SLC22A23: variants seen among roughly 807,000 people sequenced by gnomAD.
SLC22A23 encodes solute carrier family 22 member 23, also known as ion transporter protein.
SLC22A23 carries 26 observed loss-of-function variants against 61.0 expected under a neutral mutation model. The observed-to-expected ratio is 0.43, with a 90% CI of 0.31 to 0.59. The LOEUF (loss-of-function observed/expected upper bound fraction) is 0.59, where lower values mean the gene tolerates loss of function less well. Among genes scored for constraint, SLC22A23 ranks in the 20% least tolerant of loss-of-function variants. SLC22A23 has a pLI of 0.11. For missense variants in SLC22A23, 796 were observed against 934.7 expected, an observed-to-expected ratio of 0.85 and a Z score of 1.94; for synonymous variants, 430 against 413.9, an observed-to-expected ratio of 1.04 and a Z score of -0.47.
Position 3,327,377 on chromosome 6 carries a change from C to G in SLC22A23, c.914-3375G>C, listed in dbSNP as rs1251314100. ...TTGCCAATGGAACCAAACCCAAATC[C>G]TTTTAGTAGATTTTCATTCATGGGC... On this transcript the variant is annotated intron_variant, in intron 3 of 9. Coordinates refer to ENST00000406686, the MANE Select transcript of SLC22A23 (RefSeq NM_015482.2). The surrounding 1 kb of genome is among the most constrained non-coding windows in gnomAD (Gnocchi z 4.1). 6.6e-6 allele frequency among the ~76,000 whole-genome samples: 1 copy of G among 152,200 alleles called. No individual in the cohort carries two copies. Among genetic ancestry groups the G allele is most frequent in the African/African-American group, 2.4e-5 (1 of 41,448 alleles).
chr6:3,286,796 AAT>A lies in SLC22A23; in HGVS notation c.1546+61_1546+62del. On this transcript the variant is annotated intron_variant, in intron 7 of 9. Coordinates refer to ENST00000406686, the MANE Select transcript of SLC22A23 (RefSeq NM_015482.2). This position sits in a 1 kb window ranked among gnomAD's most constrained non-coding sequence, Gnocchi z 4.2. ...AGCGGAGTCTTATGCAGCCCTTTCA[AAT>A]GCCCTTGGGGATCTGCCAGCTTCCC... 7.1e-7 allele frequency: 1 copy of A among 1,407,626 alleles called. No individual in the cohort carries two copies. The highest frequency in any genetic ancestry group is 2.0e-5 in the Admixed American group (1 of 50,438). The allele number at this position is 1,407,626 out of a possible 1,614,324, so 87.2% of individuals were successfully genotyped here.
At chr6:3,402,496 G>A (rs1374383507) in intron 3 of SLC22A23, among the ~76,000 whole-genome samples, 2 of 151,928 alleles carry the variant, frequency 1.3e-5, no homozygotes, top group African/African-American at 4.8e-5. Flanking sequence ...GAGTGCACTA[G>A]GCCCCAGCCA....
Position 3,297,863 on chromosome 6 carries a change from C to A in SLC22A23, c.1210+228G>T, listed in dbSNP as rs1172534508. Among the ~76,000 whole-genome samples, 1 of 152,190 alleles carries A rather than the reference C, an allele frequency of 6.6e-6. No homozygotes were observed. The highest frequency in any genetic ancestry group is 6.5e-5 in the Admixed American group (1 of 15,286). On this transcript the variant is annotated intron_variant, in intron 5 of 9. Transcript: ENST00000406686. This position sits in a 1 kb window ranked among gnomAD's most constrained non-coding sequence, Gnocchi z 4.3. The stretch of plus-strand genomic sequence containing the variant: ...CTCATGGCTCGCTTCTGCATTTAGA[C>A]AGGAGATGAGCAGATCCAGAGTGTG...
chr6:3,408,724 G>A (rs1293774939), intron 3 of SLC22A23, among the ~76,000 whole-genome samples: 2 of 152,194 alleles, frequency 1.3e-5, no homozygotes, highest in Non-Finnish European at 2.9e-5. Context: ...TGGGGGTGGT[G>A]AGGCTGAGGT....
chr6:3,412,165 C>G (rs1201821507), intron 2 of SLC22A23, among the ~76,000 whole-genome samples: 1 of 152,192 alleles, frequency 6.6e-6, no homozygotes, highest in African/African-American at 2.4e-5. Flanking sequence ...TGATGCCTAC[C>G]AAACATGGTT....
At chr6:3,362,428 A>AAAAAAAAAAC (rs1765532078) in intron 3 of SLC22A23, among the ~76,000 whole-genome samples, 1 of 123,478 alleles carries the variant, frequency 8.1e-6, no homozygotes, top group Non-Finnish European at 1.7e-5. Context: ...AAAATAAAAA[A>AAAAAAAAAAC]TAAAAAATAA....
intron 3 of SLC22A23, among the ~76,000 whole-genome samples, chr6:3,358,700 TG>T (rs1765261513): frequency 1.3e-5 from 2 of 152,126 alleles, no homozygotes; most frequent in East Asian, 3.9e-4. Flanking sequence ...TGAAAAAACC[TG>T]TTAAGAGGGT....
In SLC22A23 at chr6:3,287,103, T is replaced by G; in HGVS notation, c.1314-12A>C. On this transcript the variant is annotated splice_polypyrimidine_tract_variant and intron_variant, in intron 6 of 9. Transcript: ENST00000406686. Reference sequence around the variant, plus strand: ...CGTACCCCGTCAGCCTGTGGAGACATACCGAGCGGCAGTGGGTGGGCTGCC... The same window carrying G: ...CGTACCCCGTCAGCCTGTGGAGACAGACCGAGCGGCAGTGGGTGGGCTGCC... The G allele has an allele frequency of 6.2e-7, 1 of 1,612,940 alleles. No individual in the cohort carries two copies. The highest frequency in any genetic ancestry group is 8.5e-7 in the Non-Finnish European group (1 of 1,179,412).
In SLC22A23 at chr6:3,427,683, A is replaced by C. The variant is rs1770591384; in HGVS notation, c.655-11828T>G. On this transcript the variant is annotated intron_variant, in intron 1 of 9. Coordinates refer to ENST00000406686, the MANE Select transcript of SLC22A23 (RefSeq NM_015482.2). This position sits in a 1 kb window ranked among gnomAD's most constrained non-coding sequence, Gnocchi z 4.3. ...TGGGAACAGCAACAGCTTCGTTTCCAACACTTCCTGCAATCATTCCTTAAA... is the reference window on the plus strand; with the variant it reads ...TGGGAACAGCAACAGCTTCGTTTCCCACACTTCCTGCAATCATTCCTTAAA... 1.3e-5 allele frequency among the ~76,000 whole-genome samples: 2 copies of C among 152,172 alleles called. No homozygotes were observed. The highest frequency in any genetic ancestry group is 4.8e-5 in the African/African-American group (2 of 41,428).
At chr6:3,364,893 T>C (rs1765704532) in intron 3 of SLC22A23, among the ~76,000 whole-genome samples, 1 of 151,696 alleles carries the variant, frequency 6.6e-6, no homozygotes, top group Non-Finnish European at 1.5e-5. Context: ...GGCGGTGTGG[T>C]GGAGAGGGGG....
intron 3 of SLC22A23, among the ~76,000 whole-genome samples, chr6:3,366,346 AAAAAAAAAAAAG>A (rs1450664243): frequency 1.4e-5 from 2 of 147,182 alleles, no homozygotes; most frequent in South Asian, 2.3e-4. Context: ...AAAAAAAAAA[AAAAAAAAAAAAG>A]AAAGAAAGAA....
rs868163412 is a variant in SLC22A23, at chr6:3,271,295, C to T, written c.*1760G>A. Reference sequence around the variant, plus strand: ...GAGGCTGGCCAGACAGCCTCCCTTCCTGGGTATCTCAAGATCCCAGGTGTC... The same window carrying T: ...GAGGCTGGCCAGACAGCCTCCCTTCTTGGGTATCTCAAGATCCCAGGTGTC... On this transcript the variant is annotated 3_prime_UTR_variant, in exon 10 of 10. Transcript: ENST00000406686. 6.6e-5 allele frequency: 10 copies of T among 152,296 alleles called. 1 individual carries two copies. In the South Asian group the frequency reaches 1.4e-3, roughly 22 times the overall value. 9.4% of individuals were successfully genotyped at this position (152,296 alleles called of 1,614,324 possible). A position where few individuals can be genotyped will look rare whatever the true frequency, so the allele number is the denominator to read the frequency against.
At chr6:3,409,863 C>T (rs1013753834) in intron 3 of SLC22A23, among the ~76,000 whole-genome samples, 5 of 152,192 alleles carry the variant, frequency 3.3e-5, no homozygotes, top group East Asian at 1.9e-4. Context: ...TAGAAGCACA[C>T]AGGATGTCAA....
chr6:3,293,858 G>C (rs1188008323), intron 5 of SLC22A23, among the ~76,000 whole-genome samples: 1 of 152,182 alleles, frequency 6.6e-6, no homozygotes, highest in South Asian at 2.1e-4. Context: ...TCATTGCTAG[G>C]GGTAGTAGGG....
chr6:3,311,561 A>G (rs1328550733), intron 4 of SLC22A23: 1 of 152,224 alleles, frequency 6.6e-6, no homozygotes, highest in Non-Finnish European at 1.5e-5. Flanking sequence ...TATTAAAACA[A>G]TAAGGTGGCT....
At chr6:3,439,798 G>GGGA (rs1216201032) in intron 1 of SLC22A23, among the ~76,000 whole-genome samples, 23 of 152,154 alleles carry the variant, frequency 1.5e-4, no homozygotes, top group African/African-American at 5.5e-4. Flanking sequence ...GAAACGGGAA[G>GGGA]GGAGGAAGAG....
At chr6:3,320,044 G>T (rs1463492919) in intron 4 of SLC22A23, among the ~76,000 whole-genome samples, 1 of 152,312 alleles carries the variant, frequency 6.6e-6, no homozygotes, top group South Asian at 2.1e-4. Flanking sequence ...GACTGAAGGA[G>T]CTCAGTTCTC....
At position 3,309,773 on chromosome 6, in the gene SLC22A23, G is replaced by T. The variant is rs1056015492; in HGVS notation, c.1083-11555C>A. Among the ~76,000 whole-genome samples the T allele has an allele frequency of 1.4e-4, 22 of 152,200 alleles. No homozygotes were observed. Among genetic ancestry groups the T allele is most frequent in the African/African-American group, 3.6e-4 (15 of 41,442 alleles). On this transcript the variant is annotated intron_variant, in intron 4 of 9. Coordinates refer to ENST00000406686, the MANE Select transcript of SLC22A23 (RefSeq NM_015482.2). The surrounding 1 kb of genome is among the most constrained non-coding windows in gnomAD (Gnocchi z 4.7). Reference sequence around the variant, plus strand: ...GATGGCTCTCCAATCACTCACCAGGGACAGGCAACATTACAAAACGGAACT... The same window carrying T: ...GATGGCTCTCCAATCACTCACCAGGTACAGGCAACATTACAAAACGGAACT...
intron 3 of SLC22A23, among the ~76,000 whole-genome samples, chr6:3,397,078 A>C (rs1387046143): frequency 6.6e-6 from 1 of 152,186 alleles, no homozygotes; most frequent in Non-Finnish European, 1.5e-5. Flanking sequence ...TCGCAGCCCC[A>C]CAGCCTGTCC....
Sources: gnomAD v4.1 joint callset for allele counts (sites outside exome capture counted in the v4.1 genomes callset) on GRCh38, gnomAD v4.1.1 for gene constraint, Gnocchi (gnomAD v3.1) non-coding constraint, MANE v1.5 for transcripts, NCBI Gene and HGNC (gene_info 2026-07-23, HGNC 2026-07-21) for gene names.